Variants in KIAA0513 observed in about 807,000 individuals in gnomAD.
KIAA0513 encodes uncharacterized protein KIAA0513.
In KIAA0513, 39 loss-of-function variants were observed where a neutral mutation model predicts 56.5. The observed-to-expected ratio is 0.69, with a 90% CI of 0.53 to 0.90. The LOEUF is 0.90. KIAA0513 is among the 40% of genes least tolerant of loss of function. The pLI is 0.00. For missense variants in KIAA0513, 591 were observed against 535.2 expected (o/e 1.10, Z -1.03); for synonymous variants, 268 against 215.6 (o/e 1.24, Z -2.13).
At chr16:85,066,151 A>C (rs1381264697) in intron 1 of KIAA0513, among the ~76,000 whole-genome samples, 5 of 152,220 alleles carry the variant, frequency 3.3e-5, no homozygotes. Flanking sequence ...GGAGTCAGTC[A>C]TTCATGTTGA....
chr16:85,055,664 A>G (rs995567320), intron 1 of KIAA0513, among the ~76,000 whole-genome samples: 4 of 152,112 alleles, frequency 2.6e-5, no homozygotes, highest in African/African-American at 9.6e-5. Context: ...CTAGACACCT[A>G]CTGACATGGA....
intron 1 of KIAA0513, among the ~76,000 whole-genome samples, chr16:85,041,260 C>G (rs28458452): frequency 6.6e-6 from 1 of 152,118 alleles, no homozygotes; most frequent in Non-Finnish European, 1.5e-5. Context: ...CAAACCACCT[C>G]ACGCCTGTCA....
intron 1 of KIAA0513, among the ~76,000 whole-genome samples, chr16:85,048,281 G>A (rs542851073): frequency 6.6e-6 from 1 of 152,126 alleles, no homozygotes; most frequent in Non-Finnish European, 1.5e-5. Flanking sequence ...TGAGACAAAG[G>A]CTTCGACCGT....
In KIAA0513 at chr16:85,090,714, C is replaced by T. The variant is rs2073859236; in HGVS notation, c.*2389C>T. ...GAGAAGGTCTCCTCTGTGCTCCATC[C>T]ACACAGGATGCCGGAGAGACAGCCC... On this transcript the variant is annotated 3_prime_UTR_variant, in exon 13 of 13. Coordinates refer to ENST00000683363, the MANE Select transcript of KIAA0513 (RefSeq NM_001388359.1). The T allele has an allele frequency of 6.6e-6, 1 of 152,260 alleles. No homozygotes were observed. The highest frequency in any genetic ancestry group is 1.5e-5 in the Non-Finnish European group (1 of 68,074). 9.4% of individuals were successfully genotyped at this position (152,260 alleles called of 1,614,324 possible).
chr16:85,075,664 C>G (rs968982855), intron 4 of KIAA0513, among the ~76,000 whole-genome samples, 180 bp from the exon 5 acceptor site: 2 of 152,200 alleles, frequency 1.3e-5, no homozygotes, highest in African/African-American at 4.8e-5. Context: ...AGAATCAGTC[C>G]CAGGCCGTGT....
chr16:85,034,557 C>T (rs1379068465), intron 1 of KIAA0513, among the ~76,000 whole-genome samples: 1 of 152,122 alleles, frequency 6.6e-6, no homozygotes, highest in African/African-American at 2.4e-5. Context: ...AGACTTCACT[C>T]GGTAGGGTTT....
chr16:85,055,128 GC>G (rs920168144), intron 1 of KIAA0513, among the ~76,000 whole-genome samples: 24 of 152,134 alleles, frequency 1.6e-4, no homozygotes, highest in African/African-American at 5.8e-4. Flanking sequence ...CTCACTGTGT[GC>G]CCAGGCTGGT....
At chr16:85,050,349 TTA>T (rs1283824413) in intron 1 of KIAA0513, among the ~76,000 whole-genome samples, 1 of 93,862 alleles carries the variant, frequency 1.1e-5, no homozygotes, top group Non-Finnish European at 2.2e-5. Flanking sequence ...ATTTATTTAT[TTA>T]TTTATTTATT....
At chr16:85,071,550 C>G (rs1438388401) in intron 2 of KIAA0513, among the ~76,000 whole-genome samples, 2 of 152,146 alleles carry the variant, frequency 1.3e-5, no homozygotes, top group Admixed American at 1.3e-4. Flanking sequence ...CTCTGGTTCA[C>G]CACTCTCAAG....
rs1334151549 is a variant in KIAA0513 at position 85,076,019 on chromosome 16, C to T, written c.574+105C>T. On this transcript the variant is annotated intron_variant, in intron 5 of 12. Coordinates refer to ENST00000683363, the MANE Select transcript of KIAA0513 (RefSeq NM_001388359.1). This position sits in a 1 kb window ranked among gnomAD's most constrained non-coding sequence, Gnocchi z 4.7. ...TGATAAAAAGCAAAAGCTATGGGGC[C>T]TCCAGAGAACAGAGGAAGCTGATGT... The T allele has an allele frequency of 1.2e-6, 1 of 806,954 alleles. No homozygotes were observed. Among genetic ancestry groups the T allele is most frequent in the Non-Finnish European group, 2.1e-6 (1 of 467,304 alleles). The allele number at this position is 806,954 out of a possible 1,614,324, so 50.0% of individuals were successfully genotyped here. A position where few individuals can be genotyped will look rare whatever the true frequency, so the allele number is the denominator to read the frequency against.
chr16:85,077,038 C>T (rs901288467), intron 5 of KIAA0513, among the ~76,000 whole-genome samples: 7 of 152,268 alleles, frequency 4.6e-5, no homozygotes, highest in African/African-American at 1.2e-4. Flanking sequence ...CCCCCCAACC[C>T]GGTGTCTCCA....
At chr16:85,073,842 C>A (rs908402347) in intron 4 of KIAA0513, among the ~76,000 whole-genome samples, 1 of 152,210 alleles carries the variant, frequency 6.6e-6, no homozygotes, top group Non-Finnish European at 1.5e-5. Context: ...CTCATCCCAT[C>A]GCCACCTTCT....
rs775173638 is a variant in KIAA0513, at chr16:85,088,311, A to AG, written c.1222_1223insG (p.Met408SerfsTer4). The stretch of plus-strand genomic sequence containing the variant: ...GCTGCTTAGTGACCACATTGAGCAA[A>AG]TGGCCACTGAGTAGGCCCCAGAGGT... On this transcript the variant is annotated frameshift_variant, in exon 13 of 13. Coordinates refer to ENST00000683363, the MANE Select transcript of KIAA0513 (RefSeq NM_001388359.1). LOFTEE classifies it high-confidence loss of function. The AG allele has an allele frequency of 2.9e-5, 46 of 1,611,498 alleles. No homozygotes were observed. Among genetic ancestry groups the AG allele is most frequent in the Non-Finnish European group, 3.9e-5 (46 of 1,179,878 alleles).
rs556854455 is a variant in KIAA0513 at position 85,077,835 on chromosome 16, G to A, written c.782+203G>A. Among the ~76,000 whole-genome samples the A allele has an allele frequency of 3.0e-4, 46 of 152,278 alleles. No individual in the cohort carries two copies. The South Asian group carries it at 9.3e-3, about 31-fold the overall frequency. ...CACTGACATGCAGGGATGTCCCTGG[G>A]GGCCACACTCCCTGGGACTGATGAG... On this transcript the variant is annotated intron_variant, in intron 6 of 12. Coordinates refer to ENST00000683363, the MANE Select transcript of KIAA0513 (RefSeq NM_001388359.1).
In KIAA0513 at chr16:85,042,833, C is replaced by T. The variant is rs189501441; in HGVS notation, c.-173+14975C>T. Among the ~76,000 whole-genome samples the T allele has an allele frequency of 2.4e-3, 371 of 152,298 alleles. 2 individuals are homozygous for T. The highest frequency in any genetic ancestry group is 1.8e-3 in the Non-Finnish European group (121 of 68,024). The stretch of plus-strand genomic sequence containing the variant: ...TTTCTGCAGGGCATTTGTGCCAGGC[C>T]TCGCCGTGGCACTCAGAGGCAGGCA... On this transcript the variant is annotated intron_variant, in intron 1 of 12. Transcript: ENST00000683363.
chr16:85,085,121 G>T (rs1371531735), intron 10 of KIAA0513, among the ~76,000 whole-genome samples: 2 of 152,244 alleles, frequency 1.3e-5, no homozygotes, highest in African/African-American at 4.8e-5. Context: ...CAGCAGGCCT[G>T]CGAGGGGTGC....
intron 1 of KIAA0513, among the ~76,000 whole-genome samples, chr16:85,065,933 C>T (rs1567535431): frequency 2.0e-5 from 3 of 152,354 alleles, no homozygotes; most frequent in South Asian, 4.1e-4. Context: ...AGCATGTTCA[C>T]AATCCGGTCT....
chr16:85,076,915 A>G lies in KIAA0513; in HGVS notation c.575-510A>G, dbSNP rs1374520126. Among the ~76,000 whole-genome samples the G allele has an allele frequency of 6.6e-6, 1 of 152,210 alleles. No homozygotes were observed. Among genetic ancestry groups the G allele is most frequent in the African/African-American group, 2.4e-5 (1 of 41,462 alleles). The stretch of plus-strand genomic sequence containing the variant: ...GGGACCTGCAGAGGGCCTTTGACCT[A>G]TAGTGGGCACTGAGGCCCGTGGGGG... On this transcript the variant is annotated intron_variant, in intron 5 of 12. Transcript: ENST00000683363. The surrounding 1 kb of genome is among the most constrained non-coding windows in gnomAD (Gnocchi z 4.7).
chr16:85,063,390 C>G (rs539928995), intron 1 of KIAA0513: 1 of 152,256 alleles, frequency 6.6e-6, no homozygotes, highest in Non-Finnish European at 1.5e-5. Flanking sequence ...CTCAGCCTTC[C>G]GAGTAGCTGG....
Sources: allele counts gnomAD v4.1 joint callset (sites outside exome capture counted in the v4.1 genomes callset), GRCh38; gene constraint gnomAD v4.1.1; non-coding constraint Gnocchi (gnomAD v3.1); transcripts MANE v1.5; gene names NCBI Gene and HGNC (gene_info 2026-07-23, HGNC 2026-07-21).